Variants in PKD1L1 observed in about 807,000 individuals in gnomAD.
The protein encoded by PKD1L1 is polycystin 1 like 1, transient receptor potential channel interacting.
PKD1L1 carries 236 observed loss-of-function variants against 323.4 expected under a neutral mutation model. The ratio of observed to expected loss-of-function variants is 0.73; its 90% CI spans 0.66 to 0.81. The LOEUF is 0.81. Among genes scored for constraint, PKD1L1 ranks in the 40% least tolerant of loss-of-function variants. PKD1L1 has a pLI of 0.00. For missense variants in PKD1L1, 3,320 were observed against 3,508.0 expected (o/e 0.95, Z 1.35); for synonymous variants, 1,344 against 1,335.0 (o/e 1.01, Z -0.15).
chr7:47,891,503 T>A (rs1786817857), intron 15 of PKD1L1, among the ~76,000 whole-genome samples: 1 of 152,338 alleles, frequency 6.6e-6, no homozygotes, highest in East Asian at 1.9e-4. Flanking sequence ...TAAGCCCTTT[T>A]CAAAGGTGTC....
chr7:47,783,359 G>A (rs933227358), intron 56 of PKD1L1, among the ~76,000 whole-genome samples: 1 of 152,116 alleles, frequency 6.6e-6, no homozygotes, highest in African/African-American at 2.4e-5. Flanking sequence ...AGAAGAGTTT[G>A]CTAATTTTTT....
chr7:47,839,429 AC>A lies in PKD1L1; in HGVS notation c.5769+16del. On this transcript the variant is annotated intron_variant, in intron 36 of 56. Transcript: ENST00000289672. This position sits in a 1 kb window ranked among gnomAD's most constrained non-coding sequence, Gnocchi z 4.3. ...TCAGCCAGGTGCGCCACGAGAGGCC[AC>A]CTGGAGGGAGCCTACCTTCCGGAAG... 6.3e-7 allele frequency: 1 copy of A among 1,591,932 alleles called. No individual in the cohort carries two copies. The highest frequency in any genetic ancestry group is 8.6e-7 in the Non-Finnish European group (1 of 1,166,942).
chr7:47,854,860 G>C (rs1785861404), intron 30 of PKD1L1, 22 bp downstream of exon 30: 1 of 1,611,290 alleles, frequency 6.2e-7, no homozygotes, highest in African/African-American at 1.3e-5. Context: ...CAATCTCATT[G>C]TAGCTGTCAC....
Position 47,824,614 on chromosome 7 carries a change from T to G in PKD1L1, c.6854+2736A>C, listed in dbSNP as rs534550996. On this transcript the variant is annotated intron_variant, in intron 45 of 56. Transcript: ENST00000289672. ...CCCATAAGTAACTATTATTATTTCC[T>G]AAAGGTGCCTGGATTGCCTTTCCCT... 7.2e-5 allele frequency among the ~76,000 whole-genome samples: 11 copies of G among 152,322 alleles called. No individual in the cohort carries two copies. The East Asian group carries it at 1.3e-3, about 19-fold the overall frequency.
intron 28 of PKD1L1, among the ~76,000 whole-genome samples, chr7:47,855,832 C>T (rs1389329270): frequency 3.7e-5 from 3 of 81,062 alleles, no homozygotes; most frequent in East Asian, 2.6e-4. Flanking sequence ...GCCGAGATCC[C>T]GCCACTGCAC....
chr7:47,803,325 C>T lies in PKD1L1; in HGVS notation c.7847G>A (p.Gly2616Glu). The change falls in exon 53 of 57, where the codon GGA (glycine) becomes GAA (glutamate). Residue 2616 changes from glycine to glutamate, a missense_variant. Gly to Glu is a moderately conservative substitution (Grantham distance 98). Transcript: ENST00000289672. ...SWNQRARWLR[G>E]ILLFLFTLKC... ...TAATGTGAAGAGGAATAAGAGGATT[C>T]CCCGGAGCCATCGAGCCCTCTGAGA... 6.2e-7 allele frequency: 1 copy of T among 1,613,976 alleles called. No homozygotes were observed. Among genetic ancestry groups the T allele is most frequent in the Non-Finnish European group, 8.5e-7 (1 of 1,179,996 alleles).
At position 47,873,901 on chromosome 7, in the gene PKD1L1, G is replaced by A. The variant is rs970039173; in HGVS notation, c.3894C>T (p.Asp1298=). The A allele has an allele frequency of 1.2e-6, 2 of 1,611,592 alleles. No homozygotes were observed. The highest frequency in any genetic ancestry group is 1.1e-5 in the South Asian group (1 of 90,878). ...CTGTGTGGCATTGTGTTACTCACAG[G>A]TCCTCGCCCAGACAGTCATTTCCAT... The part of the protein sequence containing the change: ...RYHGNDCLGE[D]LYNSSLKNLS... Residue 1298 remains aspartate, a splice_region_variant and synonymous_variant, in exon 24 of 57, where the codon GAC becomes GAT. Coordinates refer to ENST00000289672, the MANE Select transcript of PKD1L1 (RefSeq NM_138295.5).
rs1001412085 is a variant in PKD1L1, at chr7:47,948,305, C to T, written c.44+92G>A. ...CTCCACTCGTGCCAGAGTGAGCCCACATCCTAGAGGTGATGACTTTTGAAA... is the reference window on the plus strand; with the variant it reads ...CTCCACTCGTGCCAGAGTGAGCCCATATCCTAGAGGTGATGACTTTTGAAA... On this transcript the variant is annotated intron_variant, in intron 1 of 56. Coordinates refer to ENST00000289672, the MANE Select transcript of PKD1L1 (RefSeq NM_138295.5). 21 of 1,462,760 alleles carry T rather than the reference C, an allele frequency of 1.4e-5. No homozygotes were observed. In the Admixed American group the frequency reaches 3.4e-4, roughly 23 times the overall value. 90.6% of individuals were successfully genotyped at this position (1,462,760 alleles called of 1,614,324 possible).
chr7:47,879,862 G>A (rs1786497287), intron 21 of PKD1L1, among the ~76,000 whole-genome samples: 1 of 126,564 alleles, frequency 7.9e-6, no homozygotes, highest in African/African-American at 3.7e-5. Context: ...GAACCTGGGA[G>A]GCAGAGCTTG....
Position 47,813,173 on chromosome 7 carries a change from G to A in PKD1L1, c.7294C>T (p.Pro2432Ser), listed in dbSNP as rs137918330. ...TCCTCCCTTGTCCCACAGCCCCCAG[G>A]ACCATTCAGGGTCACGTTTTGGTTC... ...PENQNVTLNG[P>S]GGCGTREDCV... The change falls in exon 49 of 57, where the codon CCT becomes TCT. Residue 2432 changes from proline (P) to serine (S), a missense_variant. Coordinates refer to ENST00000289672, the MANE Select transcript of PKD1L1 (RefSeq NM_138295.5). The A allele has an allele frequency of 3.4e-5, 55 of 1,614,006 alleles. No homozygotes were observed. The highest frequency in any genetic ancestry group is 1.0e-4 in the Admixed American group (6 of 60,000).
chr7:47,803,998 T>C (rs1236915766), intron 52 of PKD1L1, among the ~76,000 whole-genome samples: 1 of 152,140 alleles, frequency 6.6e-6, no homozygotes, highest in Non-Finnish European at 1.5e-5. Flanking sequence ...ACCAGGGGCT[T>C]ATGGGGAAAG....
At chr7:47,849,788 G>T (rs980584718) in intron 31 of PKD1L1, among the ~76,000 whole-genome samples, 2 of 152,110 alleles carry the variant, frequency 1.3e-5, no homozygotes, top group Non-Finnish European at 2.9e-5. Flanking sequence ...ATCAACCTAC[G>T]AGTGGATAAA....
At chr7:47,954,393 G>GA in the PKD1L1 span, among the ~76,000 whole-genome samples, 2 of 152,200 alleles carry the variant, frequency 1.3e-5, no homozygotes, top group African/African-American at 4.8e-5. Context: ...GAGAAGTGAT[G>GA]AAGTCACAAG....
intron 30 of PKD1L1, among the ~76,000 whole-genome samples, chr7:47,853,630 C>G (rs554717387): frequency 1.3e-5 from 2 of 151,694 alleles, no homozygotes; most frequent in Non-Finnish European, 1.5e-5. Context: ...GTAATCCCAA[C>G]TACTCGGGAG....
At chr7:47,782,549 C>T (rs901949568) in intron 56 of PKD1L1, among the ~76,000 whole-genome samples, 2 of 152,190 alleles carry the variant, frequency 1.3e-5, no homozygotes, top group Non-Finnish European at 2.9e-5. Flanking sequence ...AGAGTTCCTC[C>T]CTACAGTCCC....
intron 55 of PKD1L1, 139 bp downstream of exon 55, chr7:47,795,850 G>A: frequency 1.0e-6 from 1 of 990,344 alleles, no homozygotes; most frequent in Non-Finnish European, 1.5e-6. Context: ...CTATGATTGA[G>A]ACTAATTTTG....
rs1362540806 is a variant in PKD1L1, at chr7:47,929,448, G to C, written c.816C>G (p.Pro272=). The C allele has an allele frequency of 6.2e-7, 1 of 1,614,092 alleles. No individual in the cohort carries two copies. The highest frequency in any genetic ancestry group is 8.5e-7 in the Non-Finnish European group (1 of 1,179,922). The change falls in exon 7 of 57, where the codon CCC becomes CCG. Residue 272 remains proline, a synonymous_variant. Transcript: ENST00000289672. ...TGGCCACAGGAGGATGCTGAGTAGG[G>C]GGATAGAGGATCTCAGAACCAGACT... ...ASQSGSEILY[P]PTQHPPVAIL... is the part of the protein sequence containing the mutation.
intron 56 of PKD1L1, among the ~76,000 whole-genome samples, chr7:47,779,794 C>G (rs1786649283): frequency 6.6e-6 from 1 of 152,174 alleles, no homozygotes; most frequent in African/African-American, 2.4e-5. Context: ...TGCAGAAGCT[C>G]AGATGCCTTC....
intron 56 of PKD1L1, 65 bp from the exon 57 acceptor site, chr7:47,775,231 T>C (rs1395232775): frequency 2.5e-6 from 4 of 1,600,534 alleles, no homozygotes; most frequent in East Asian, 4.5e-5. Context: ...ACAGAACAAA[T>C]AGGCAGAAAG....
Sources: gnomAD v4.1 joint callset for allele counts (sites outside exome capture counted in the v4.1 genomes callset) on GRCh38, gnomAD v4.1.1 for gene constraint, Gnocchi (gnomAD v3.1) non-coding constraint, MANE v1.5 for transcripts, NCBI Gene and HGNC (gene_info 2026-07-23, HGNC 2026-07-21) for gene names.